RTL4: variants seen among roughly 807,000 people sequenced by gnomAD.
RTL4 encodes the protein retrotransposon Gag like 4, also known as retrotransposon Gag-like protein 4.
Under a neutral mutation model 5.3 loss-of-function variants are expected in RTL4, and 4 were observed. The observed-to-expected ratio is 0.75, with a 90% confidence interval of 0.37 to 1.72. The LOEUF is 1.72. RTL4 is among the 40% of genes most tolerant of loss of function. The pLI is 0.04. For synonymous variants in RTL4, 98 were observed against 87.3 expected, an observed-to-expected ratio of 1.12 and a Z score of -0.68; for missense variants, 260 against 227.1, an observed-to-expected ratio of 1.14 and a Z score of -0.93.
At chrX:112,438,976 A>G in the RTL4 span, among the ~76,000 whole-genome samples, 20,609 of 111,025 alleles carry the variant, frequency 0.19, 1,484 homozygotes, top group East Asian at 0.27. Flanking sequence ...CGTCGAAGCT[A>G]GTAAGCTTTA....
the RTL4 span, among the ~76,000 whole-genome samples, chrX:112,439,755 A>G: frequency 9.0e-6 from 1 of 110,710 alleles, no homozygotes; most frequent in Non-Finnish European, 1.9e-5. Flanking sequence ...CTAATTGTTA[A>G]AAAGAGTCTG....
the RTL4 span, among the ~76,000 whole-genome samples, chrX:112,111,941 C>A: frequency 1.8e-5 from 2 of 111,863 alleles, no homozygotes; most frequent in Non-Finnish European, 3.8e-5. Flanking sequence ...ATTTGAAGCA[C>A]CGGTTCCTCA....
At chrX:112,316,019 C>T in the RTL4 span, among the ~76,000 whole-genome samples, 1 of 112,070 alleles carries the variant, frequency 8.9e-6, no homozygotes, top group African/African-American at 3.2e-5. Flanking sequence ...TGCCAGACTG[C>T]TCTTTGGAAT....
chrX:112,429,798 T>C, the RTL4 span, among the ~76,000 whole-genome samples: 11 of 110,930 alleles, frequency 9.9e-5, no homozygotes, highest in Admixed American at 1.1e-3. Flanking sequence ...TTTCAAAGGA[T>C]AATTTTACAG....
the RTL4 span, among the ~76,000 whole-genome samples, chrX:112,214,875 G>A: frequency 1.1e-4 from 12 of 109,621 alleles, no homozygotes; most frequent in South Asian, 2.3e-3. Context: ...TGCAAACTCC[G>A]CCTCCCACAT....
the RTL4 span, among the ~76,000 whole-genome samples, chrX:112,322,159 T>C: frequency 4.5e-5 from 5 of 111,583 alleles, no homozygotes; most frequent in Admixed American, 4.8e-4. Flanking sequence ...CCTAATAACT[T>C]TGTGGCATTT....
At chrX:112,117,584 C>T in the RTL4 span, among the ~76,000 whole-genome samples, 1 of 110,768 alleles carries the variant, frequency 9.0e-6, no homozygotes, top group Admixed American at 9.6e-5. Flanking sequence ...ATGCAAATTA[C>T]TAGAAATCAT....
the RTL4 span, among the ~76,000 whole-genome samples, chrX:112,310,369 CAT>C: frequency 0.11 from 487 of 4,326 alleles, 17 homozygotes; most frequent in Non-Finnish European, 0.13. Context: ...CACCTTTATA[CAT>C]ATATATATAT....
At chrX:112,110,679 C>A in the RTL4 span, among the ~76,000 whole-genome samples, 169 of 112,380 alleles carry the variant, frequency 1.5e-3, 2 homozygotes, top group Admixed American at 0.014. Context: ...ATAGATGACT[C>A]CTTCCTGATT....
At chrX:112,422,599 T>C in the RTL4 span, among the ~76,000 whole-genome samples, 1 of 111,121 alleles carries the variant, frequency 9.0e-6, no homozygotes, top group Admixed American at 9.7e-5. Flanking sequence ...AGAAAATAAA[T>C]TTACTAGGCA....
At chrX:112,157,064 TTGTGTGTGTGTGTGTGTG>T in the RTL4 span, among the ~76,000 whole-genome samples, 4 of 96,583 alleles carry the variant, frequency 4.1e-5, no homozygotes, top group Admixed American at 1.1e-4. Context: ...GTTATACTGT[TTGTGTGTGTGTGTGTGTG>T]TGTGTGTGTG....
chrX:112,102,585 T>C, the RTL4 span, among the ~76,000 whole-genome samples: 3 of 111,419 alleles, frequency 2.7e-5, no homozygotes, highest in African/African-American at 6.5e-5. Flanking sequence ...AAATCTTTTA[T>C]AAAATTAGCC....
At chrX:112,242,927 T>C in the RTL4 span, among the ~76,000 whole-genome samples, 1 of 111,755 alleles carries the variant, frequency 8.9e-6, no homozygotes, top group African/African-American at 3.3e-5. Flanking sequence ...TTGAATGCCT[T>C]TTCTGCATCT....
chrX:112,218,095 A>T, the RTL4 span, among the ~76,000 whole-genome samples: 12 of 111,909 alleles, frequency 1.1e-4, no homozygotes, highest in Admixed American at 1.9e-4. Context: ...CAAAAACGGA[A>T]GTAGGGAATA....
chrX:112,115,433 G>A, the RTL4 span, among the ~76,000 whole-genome samples: 1 of 111,427 alleles, frequency 9.0e-6, no homozygotes, highest in East Asian at 2.8e-4. Flanking sequence ...AAAGATGTTA[G>A]GCCTCAAAAT....
chrX:112,134,866 T>C, the RTL4 span, among the ~76,000 whole-genome samples: 464 of 112,279 alleles, frequency 4.1e-3, 1 homozygote, highest in Middle Eastern at 9.2e-3. Flanking sequence ...AGTACATCTA[T>C]GTTGTAATGT....
chrX:112,404,666 A>G, the RTL4 span, among the ~76,000 whole-genome samples: 2 of 112,754 alleles, frequency 1.8e-5, no homozygotes, highest in Admixed American at 9.4e-5. Context: ...CATCACTTCC[A>G]AAGGGACCAT....
the RTL4 span, among the ~76,000 whole-genome samples, chrX:112,436,014 C>T: frequency 9.0e-6 from 1 of 111,442 alleles, no homozygotes; most frequent in East Asian, 2.8e-4. Flanking sequence ...GTCAGGAGTT[C>T]GAGACCTGTC....
chrX:112,433,208 G>A, the RTL4 span, among the ~76,000 whole-genome samples: 17 of 111,021 alleles, frequency 1.5e-4, no homozygotes, highest in East Asian at 2.3e-3. Flanking sequence ...TTGACTTGGC[G>A]ATGCGGGCTG....
Sources: allele counts gnomAD v4.1 joint callset (sites outside exome capture counted in the v4.1 genomes callset), GRCh38; gene constraint gnomAD v4.1.1; transcripts MANE v1.5; gene names NCBI Gene and HGNC (gene_info 2026-07-23, HGNC 2026-07-21).